The following KRT80 variants were observed in gnomAD, a reference collection of about 807,000 sequenced individuals.
KRT80 encodes the protein keratin, type II cytoskeletal 80.
KRT80 carries 36 observed loss-of-function variants against 51.5 expected under a neutral mutation model. The ratio of observed to expected loss-of-function variants is 0.70; its 90% CI spans 0.54 to 0.92. The LOEUF is 0.92. Ranked by LOEUF, KRT80 falls within the 40% of genes least tolerant of loss-of-function variation. The pLI, the probability that KRT80 is intolerant of heterozygous loss-of-function variation, is 0.00. For synonymous variants in KRT80, 235 were observed against 248.3 expected (o/e 0.95, Z 0.50); for missense variants, 566 against 591.7 (o/e 0.96, Z 0.45).
chr12:52,181,255 C>G (rs1372653308), intron 2 of KRT80, among the ~76,000 whole-genome samples: 1 of 152,140 alleles, frequency 6.6e-6, no homozygotes, highest in Non-Finnish European at 1.5e-5. Flanking sequence ...CTCCAGGAGG[C>G]CTCCCTGATT....
At chr12:52,186,263 T>C (rs1280883250) in intron 1 of KRT80, among the ~76,000 whole-genome samples, 1 of 152,108 alleles carries the variant, frequency 6.6e-6, no homozygotes, top group Non-Finnish European at 1.5e-5. Context: ...AGCTCCCTCC[T>C]GCAGGAAGCT....
intron 1 of KRT80, among the ~76,000 whole-genome samples, chr12:52,189,744 C>G (rs1162472216): frequency 6.6e-6 from 1 of 152,240 alleles, no homozygotes; most frequent in African/African-American, 2.4e-5. Context: ...GTGTCCCACC[C>G]TGAAGGGCAC....
intron 4 of KRT80, among the ~76,000 whole-genome samples, chr12:52,177,518 C>T (rs1457003727): frequency 5.9e-5 from 9 of 152,136 alleles, no homozygotes; most frequent in South Asian, 4.1e-4. Context: ...GGGAACCTTC[C>T]AGCCTGTGCC....
chr12:52,188,428 T>C (rs1015634730), intron 1 of KRT80, among the ~76,000 whole-genome samples: 5 of 152,198 alleles, frequency 3.3e-5, no homozygotes, highest in African/African-American at 1.2e-4. Flanking sequence ...CTGGAACTCC[T>C]GGAGGGAGAC....
intron 4 of KRT80, among the ~76,000 whole-genome samples, chr12:52,178,831 G>A (rs1941275447): frequency 2.0e-5 from 3 of 151,926 alleles, no homozygotes; most frequent in Admixed American, 6.6e-5. Context: ...GGACACTAAG[G>A]CACAGAGAGG....
rs765159323 is a variant in KRT80, at chr12:52,173,081, C to T, written c.914G>A (p.Arg305His). 28 of 1,613,244 alleles carry T rather than the reference C, an allele frequency of 1.7e-5. No individual in the cohort carries two copies. The highest frequency in any genetic ancestry group is 2.2e-5 in the South Asian group (2 of 91,020). ...GATCTGGGACCGCAGCTTCTGGATG[C>T]GCACATTGAGATCCGCGATCTCGCT... ...SRSEIADLNV[R>H]IQKLRSQILS... Residue 305 changes from arginine (R) to histidine (H), a missense_variant, in exon 6 of 9, where the codon CGC becomes CAC. Coordinates refer to ENST00000394815, the MANE Select transcript of KRT80 (RefSeq NM_182507.3).
chr12:52,187,315 T>C (rs1456534768), intron 1 of KRT80, among the ~76,000 whole-genome samples: 1 of 152,214 alleles, frequency 6.6e-6, no homozygotes, highest in Non-Finnish European at 1.5e-5. Context: ...CAGCAGCCTT[T>C]TGGATCAGCT....
At chr12:52,176,243 T>C (rs1941218752) in intron 4 of KRT80, among the ~76,000 whole-genome samples, 1 of 152,120 alleles carries the variant, frequency 6.6e-6, no homozygotes, top group African/African-American at 2.4e-5. Context: ...CGGGCTTGTG[T>C]GGTGTGGAGG....
rs1314216910 is a variant in KRT80 at position 52,171,098 on chromosome 12, A to T, written c.*300T>A. The T allele has an allele frequency of 4.2e-6, 1 of 235,446 alleles. No individual in the cohort carries two copies. The highest frequency in any genetic ancestry group is 8.2e-6 in the Non-Finnish European group (1 of 121,364). The allele number at this position is 235,446 out of a possible 1,614,324, so 14.6% of individuals were successfully genotyped here. On this transcript the variant is annotated 3_prime_UTR_variant, in exon 9 of 9. Transcript: ENST00000394815. ...GAGGAGGAGCCTCAGAGGAGCGAGG[A>T]GGTGGAGACAAAACTGACCCCTAAT...
At position 52,191,825 on chromosome 12, in the gene KRT80, A is replaced by G; in HGVS notation, c.78T>C (p.Pro26=). 1 of 1,593,524 alleles carries G rather than the reference A, an allele frequency of 6.3e-7. No homozygotes were observed. Among genetic ancestry groups the G allele is most frequent in the Non-Finnish European group, 8.6e-7 (1 of 1,168,430 alleles). The change falls in exon 1 of 9, where the codon CCT becomes CCC. Residue 26 remains proline, a synonymous_variant. Coordinates refer to ENST00000394815, the MANE Select transcript of KRT80 (RefSeq NM_182507.3). The stretch of plus-strand genomic sequence containing the variant: ...TGCAGCTGTCCCATCCTGAGGTTCC[A>G]GGCCGGGGGCTGCCCACCGGGGTCA... ...CEVTPVGSPR[P]GTSGWDSCRA...
chr12:52,181,513 G>A (rs1005630003), intron 2 of KRT80, among the ~76,000 whole-genome samples: 4 of 152,158 alleles, frequency 2.6e-5, no homozygotes, highest in African/African-American at 9.6e-5. Context: ...GACCCCCAGT[G>A]TGTTTTTGGG....
chr12:52,182,737 CAG>C (rs1193477396), intron 2 of KRT80, among the ~76,000 whole-genome samples: 3 of 152,160 alleles, frequency 2.0e-5, no homozygotes, highest in Non-Finnish European at 4.4e-5. Flanking sequence ...CACCAGGAGT[CAG>C]GGGACTGGAG....
chr12:52,182,309 A>G (rs1282331149), intron 2 of KRT80, among the ~76,000 whole-genome samples: 1 of 152,132 alleles, frequency 6.6e-6, no homozygotes, highest in Non-Finnish European at 1.5e-5. Context: ...TGGTCCTCAG[A>G]GCACCCAGCT....
intron 6 of KRT80, 56 bp from the exon 7 acceptor site, chr12:52,172,474 C>T (rs1331086177): frequency 1.3e-6 from 2 of 1,517,182 alleles, no homozygotes; most frequent in Middle Eastern, 1.9e-4. Context: ...GAGGAGCGGG[C>T]CAGGGCCAGG....
At chr12:52,181,064 G>A in intron 2 of KRT80, 101 bp from the exon 3 acceptor site, 1 of 811,972 alleles carries the variant, frequency 1.2e-6, no homozygotes, top group Non-Finnish European at 1.8e-6. Flanking sequence ...CCCACTTGGG[G>A]TCTCTTTGCC....
rs1219547771 is a variant in KRT80 at position 52,170,847 on chromosome 12, G to A, written c.*551C>T. On this transcript the variant is annotated 3_prime_UTR_variant, in exon 9 of 9. Transcript: ENST00000394815. ...ACTCCCTAATACTGTCAGGTCTCTG[G>A]GGAGCCCAAAGAGCACGGGAAAGCC... 6.5e-6 allele frequency: 1 copy of A among 154,954 alleles called. No individual in the cohort carries two copies. Among genetic ancestry groups the A allele is most frequent in the African/African-American group, 2.4e-5 (1 of 41,460 alleles). 9.6% of individuals were successfully genotyped at this position (154,954 alleles called of 1,614,324 possible).
At chr12:52,174,581 G>A (rs998348247) in intron 4 of KRT80, among the ~76,000 whole-genome samples, 1 of 152,242 alleles carries the variant, frequency 6.6e-6, no homozygotes, top group African/African-American at 2.4e-5. Context: ...TGGACTGTGC[G>A]CTGAGCGTTT....
intron 6 of KRT80, 150 bp from the exon 7 acceptor site, chr12:52,172,568 G>A: frequency 1.4e-6 from 1 of 701,844 alleles, no homozygotes; most frequent in Non-Finnish European, 2.3e-6. Context: ...TGGTTGCCAT[G>A]CAGCAAGAGG....
Position 52,172,361 on chromosome 12 carries a change from G to A in KRT80, c.1015C>T (p.Gln339Ter). The change falls in exon 7 of 9, where the codon CAG (glutamine) becomes TAG (stop). Residue 339 changes from glutamine to a stop codon, truncating the protein, a stop_gained. Transcript: ENST00000394815. LOFTEE classifies it high-confidence loss of function. ...TAEEQGELAF[Q>*]DAKTKLAQLE... ...TGGGCCAGCTTGGTCTTGGCATCCTGGAAGGCCAGCTCACCCTGCTCCTCA... is the reference window on the plus strand; with the variant it reads ...TGGGCCAGCTTGGTCTTGGCATCCTAGAAGGCCAGCTCACCCTGCTCCTCA... The A allele has an allele frequency of 6.2e-7, 1 of 1,614,180 alleles. No individual in the cohort carries two copies. Among genetic ancestry groups the A allele is most frequent in the African/African-American group, 1.3e-5 (1 of 75,074 alleles).
Sources: gnomAD v4.1 joint callset for allele counts (sites outside exome capture counted in the v4.1 genomes callset) on GRCh38, gnomAD v4.1.1 for gene constraint, MANE v1.5 for transcripts, NCBI Gene and HGNC (gene_info 2026-07-23, HGNC 2026-07-21) for gene names.